Variants in PTRH1 observed in about 807,000 individuals in gnomAD.
The protein encoded by PTRH1 is peptidyl-tRNA hydrolase.
Under a neutral mutation model 15.7 loss-of-function variants are expected in PTRH1, and 13 were observed. That is an observed-to-expected ratio of 0.83 (90% confidence interval 0.54 to 1.31). The LOEUF is 1.31. Among genes scored for constraint, PTRH1 ranks in the 40% most tolerant of loss-of-function variants. The pLI, the probability that PTRH1 is intolerant of heterozygous loss-of-function variation, is 0.00. For missense variants in PTRH1, 319 were observed against 296.2 expected (o/e 1.08, Z -0.56); for synonymous variants, 139 against 136.7 (o/e 1.02, Z -0.12).
rs1842636357 is a variant in PTRH1, at chr9:127,705,364, GGA to G, written c.205+10069_205+10070del. Among the ~76,000 whole-genome samples the G allele has an allele frequency of 6.6e-6, 1 of 152,218 alleles. No homozygotes were observed. Among genetic ancestry groups the G allele is most frequent in the African/African-American group, 2.4e-5 (1 of 41,444 alleles). On this transcript the variant is annotated intron_variant, in intron 1 of 2. Coordinates refer to the PTRH1 transcript ENST00000335223. This position sits in a 1 kb window ranked among gnomAD's most constrained non-coding sequence, Gnocchi z 4.7. ...TATGGTCCAAAGTAGGGAGCTTTGG[GGA>G]GAGTCTCCAAGCAAACCCCAGAAAG...
downstream of PTRH1, chr9:127,711,113 G>A (rs192406114): frequency 1.2e-5 from 16 of 1,334,116 alleles, no homozygotes; most frequent in East Asian, 3.8e-4. Context: ...ACCCTCCCAG[G>A]GAGAGAGCAT....
chr9:127,699,171 C>A (rs1251527539), intron 1 of PTRH1, among the ~76,000 whole-genome samples: 5 of 152,182 alleles, frequency 3.3e-5, no homozygotes, highest in Non-Finnish European at 7.4e-5. Context: ...TGTGAACCAC[C>A]GCGCCCGGCC....
intron 1 of PTRH1, among the ~76,000 whole-genome samples, chr9:127,702,584 T>C (rs1224879330): frequency 2.0e-5 from 3 of 152,168 alleles, no homozygotes; most frequent in African/African-American, 4.8e-5. Flanking sequence ...GTCATCTTAA[T>C]TGACAGATCA....
chr9:127,711,111 A>C, downstream of PTRH1: 6 of 1,256,712 alleles, frequency 4.8e-6, no homozygotes, highest in Non-Finnish European at 5.5e-6. Context: ...CAACCCTCCC[A>C]GGGAGAGAGC....
intron 1 of PTRH1, among the ~76,000 whole-genome samples, chr9:127,697,425 C>T (rs11791056): frequency 0.039 from 5,876 of 152,096 alleles, 243 homozygotes; most frequent in Non-Finnish European, 0.053. Flanking sequence ...TTTGGGAGGC[C>T]GAGGTGGGCG....
downstream of PTRH1, chr9:127,711,079 GA>G: frequency 1.0e-6 from 1 of 956,182 alleles, no homozygotes. Flanking sequence ...GATCTACAGG[GA>G]AAGCCTCCCA....
chr9:127,704,915 A>T (rs1029186503), intron 1 of PTRH1, among the ~76,000 whole-genome samples: 33 of 145,186 alleles, frequency 2.3e-4, no homozygotes, highest in African/African-American at 7.3e-4. Flanking sequence ...GGCCTGGTTA[A>T]TTTTTTTTTT....
chr9:127,703,425 G>A (rs1289436238), intron 1 of PTRH1, among the ~76,000 whole-genome samples: 7 of 152,060 alleles, frequency 4.6e-5, no homozygotes, highest in Admixed American at 1.3e-4. Flanking sequence ...CAGCCTGGGC[G>A]ACAGAGCAAG....
chr9:127,715,083 G>T lies in PTRH1; in HGVS notation c.208C>A (p.Arg70=). The change falls in exon 2 of 5, where the codon CGG becomes AGG. Residue 70 remains arginine (R), a synonymous_variant. Coordinates refer to ENST00000543175, the MANE Select transcript of PTRH1 (RefSeq NM_001002913.3). This position sits in a 1 kb window ranked among gnomAD's most constrained non-coding sequence, Gnocchi z 5.8. Reference sequence around the variant, plus strand: ...AGGGCGAGGTCGGCGGCACAGTGCCGGTCGCGCGTCCAACTCTCCGCCACA... The same window carrying T: ...AGGGCGAGGTCGGCGGCACAGTGCCTGTCGCGCGTCCAACTCTCCGCCACA... The part of the protein sequence containing the change: ...LGVAESWTRD[R]HCAADLALAP... 2 of 1,531,856 alleles carry T rather than the reference G, an allele frequency of 1.3e-6. No homozygotes were observed. Among genetic ancestry groups the T allele is most frequent in the African/African-American group, 1.4e-5 (1 of 72,948 alleles). The allele number at this position is 1,531,856 out of a possible 1,614,324, so 94.9% of individuals were successfully genotyped here. A position where few individuals can be genotyped will look rare whatever the true frequency, so the allele number is the denominator to read the frequency against.
chr9:127,706,897 G>A (rs547361927), intron 1 of PTRH1: 35 of 1,051,522 alleles, frequency 3.3e-5, no homozygotes, highest in South Asian at 6.4e-5. Flanking sequence ...ACCTGGTACC[G>A]GCACCCAGCA....
chr9:127,709,330 G>T, downstream of PTRH1: 1 of 1,354,006 alleles, frequency 7.4e-7, no homozygotes, highest in South Asian at 1.4e-5. This position sits in a 1 kb window ranked among gnomAD's most constrained non-coding sequence, Gnocchi z 4.7. Flanking sequence ...GCCCCTTTAC[G>T]GGACAGGGAG....
Position 127,707,183 on chromosome 9 carries a change from G to A in PTRH1, c.205+8252C>T, listed in dbSNP as rs756153647. The A allele has an allele frequency of 5.6e-6, 9 of 1,611,670 alleles. No individual in the cohort carries two copies. The East Asian group carries it at 1.6e-4, about 28-fold the overall frequency. ...ATCCAGATCCGAGACCTGGAGGACC[G>A]GCTAGCCCGGTGCGTGGGCTGGCGG... is the stretch of plus-strand genomic sequence containing the variant. On this transcript the variant is annotated intron_variant, in intron 1 of 2. Coordinates refer to the PTRH1 transcript ENST00000335223.
At chr9:127,709,807 T>A (rs1842723824), downstream of PTRH1, 1 of 1,177,958 alleles carries the variant, frequency 8.5e-7, no homozygotes, top group Non-Finnish European at 1.2e-6. This position sits in a 1 kb window ranked among gnomAD's most constrained non-coding sequence, Gnocchi z 4.7. Flanking sequence ...GCACACACTG[T>A]CTTCCTTAAT....
downstream of PTRH1, chr9:127,712,294 C>T (rs897684671): frequency 3.1e-6 from 5 of 1,613,950 alleles, no homozygotes; most frequent in Non-Finnish European, 4.2e-6. Flanking sequence ...AAGGTTCGGG[C>T]CAGCCTGGAG....
In PTRH1 at chr9:127,714,992, C is replaced by A; in HGVS notation, c.299G>T (p.Arg100Leu). ...RPRRLMNANGRSVARAAELFG... is the reference protein window; with the variant it reads ...RPRRLMNANGLSVARAAELFG... ...CAACTCACCAGCCCGGGCCACGCTG[C>A]GCCCGTTGGCGTTCATAAGCCGCCG... The change falls in exon 2 of 5, where the codon CGC (arginine) becomes CTC (leucine). Residue 100 changes from arginine (R) to leucine (L), a missense_variant. Physicochemically the swap from Arg to Leu is moderately radical, Grantham distance 102 (BLOSUM62 -2). Transcript: ENST00000543175. The A allele has an allele frequency of 6.8e-7, 1 of 1,464,660 alleles. No homozygotes were observed. The highest frequency in any genetic ancestry group is 9.0e-7 in the Non-Finnish European group (1 of 1,113,390). The allele number at this position is 1,464,660 out of a possible 1,614,324, so 90.7% of individuals were successfully genotyped here.
chr9:127,713,492 CTTTCTTT>C, downstream of PTRH1: 1 of 232,936 alleles, frequency 4.3e-6, no homozygotes, highest in Non-Finnish European at 7.9e-6. Context: ...AAGCCAGCAT[CTTTCTTT>C]TTTTTTTTTT....
At chr9:127,703,266 T>C (rs577688129) in intron 1 of PTRH1, among the ~76,000 whole-genome samples, 7 of 151,510 alleles carry the variant, frequency 4.6e-5, no homozygotes, top group African/African-American at 1.7e-4. Flanking sequence ...GCCAACATGG[T>C]GAAACCTCAT....
downstream of PTRH1, chr9:127,713,572 T>C (rs544004812): frequency 3.2e-6 from 1 of 316,900 alleles, no homozygotes; most frequent in Non-Finnish European, 5.8e-6. Flanking sequence ...AGTGCCACAA[T>C]CTCAGCTCAC....
chr9:127,714,974 C>G lies in PTRH1; in HGVS notation c.316+1G>C. The G allele has an allele frequency of 1.7e-6, 2 of 1,166,580 alleles. No homozygotes were observed. The highest frequency in any genetic ancestry group is 2.3e-6 in the Non-Finnish European group (2 of 884,266). 72.3% of individuals were successfully genotyped at this position (1,166,580 alleles called of 1,614,324 possible). ...GCCCACCCCTGGCGCTCTCAACTCACCAGCCCGGGCCACGCTGCGCCCGTT... is the reference window on the plus strand; with the variant it reads ...GCCCACCCCTGGCGCTCTCAACTCAGCAGCCCGGGCCACGCTGCGCCCGTT... On this transcript the variant is annotated splice_donor_variant, in intron 2 of 4. Transcript: ENST00000543175. LOFTEE classifies it high-confidence loss of function.
Sources: allele counts gnomAD v4.1 joint callset (sites outside exome capture counted in the v4.1 genomes callset), GRCh38; gene constraint gnomAD v4.1.1; non-coding constraint Gnocchi (gnomAD v3.1); transcripts MANE v1.5; gene names NCBI Gene and HGNC (gene_info 2026-07-23, HGNC 2026-07-21).